LCOR: variants seen among roughly 807,000 people sequenced by gnomAD.
LCOR encodes the protein ligand dependent nuclear receptor corepressor.
Under a neutral mutation model 64.4 loss-of-function variants are expected in LCOR, and 14 were observed. That is an observed-to-expected ratio of 0.22 (90% confidence interval 0.14 to 0.34). The LOEUF (loss-of-function observed/expected upper bound fraction) is 0.34. Ranked by LOEUF, LCOR falls within the 10% of genes least tolerant of loss-of-function variation. The pLI is 1.00. For missense variants in LCOR, 1,686 were observed against 1,765.3 expected (o/e 0.96, Z 0.80); for synonymous variants, 643 against 642.5 (o/e 1.00, Z -0.01).
intron 2 of LCOR, among the ~76,000 whole-genome samples, chr10:96,866,094 CTATT>C (rs1386590143): frequency 7.2e-5 from 11 of 152,064 alleles, no homozygotes; most frequent in Non-Finnish European, 1.5e-4. Flanking sequence ...ATGTGGTGCT[CTATT>C]TATTAACAGT....
chr10:96,935,221 G>A (rs565348571), intron 4 of LCOR, among the ~76,000 whole-genome samples: 4 of 132,638 alleles, frequency 3.0e-5, no homozygotes, highest in Non-Finnish European at 4.7e-5. Flanking sequence ...TGATCTTGGC[G>A]CACTGCAACC....
chr10:96,878,943 C>T (rs544233244), intron 2 of LCOR, among the ~76,000 whole-genome samples: 1 of 152,124 alleles, frequency 6.6e-6, no homozygotes, highest in East Asian at 1.9e-4. Flanking sequence ...ACTACAGGCT[C>T]ACACCACCAC....
In LCOR at chr10:96,984,930, A is replaced by G; in HGVS notation, c.4470A>G (p.Thr1490=). Residue 1490 remains threonine (T), a synonymous_variant, in exon 8 of 8, where the codon ACA becomes ACG. Coordinates refer to ENST00000421806, the MANE Select transcript of LCOR (RefSeq NM_001346516.2). ...CTTCCCAGTCTATTGCCTCGGAAAC[A>G]CTGACGAAACCTGCAAAACAGAAGG... ...KRPSQSIASE[T]LTKPAKQKGA... 4 of 1,614,068 alleles carry G rather than the reference A, an allele frequency of 2.5e-6. No homozygotes were observed. The highest frequency in any genetic ancestry group is 3.4e-6 in the Non-Finnish European group (4 of 1,180,016).
rs538420595 is a variant in LCOR, at chr10:96,944,373, A to G, written c.-51+128A>G. The G allele has an allele frequency of 3.9e-5, 17 of 441,300 alleles. No individual in the cohort carries two copies. The East Asian group carries it at 1.6e-3, about 40-fold the overall frequency. The allele number at this position is 441,300 out of a possible 1,614,324, so 27.3% of individuals were successfully genotyped here. A position where few individuals can be genotyped will look rare whatever the true frequency, so the allele number is the denominator to read the frequency against. ...TTATTGATATAATTTATATTGTTCT[A>G]TATACCTTGGGTCAAGTTCAAATTG... On this transcript the variant is annotated intron_variant, in intron 5 of 7. Transcript: ENST00000421806.
At chr10:96,908,176 G>A (rs1472690646) in intron 4 of LCOR, 1 of 151,976 alleles carries the variant, frequency 6.6e-6, no homozygotes, top group Non-Finnish European at 1.5e-5. Context: ...ATTTGTAGTA[G>A]AGATAGGGTT....
At chr10:96,891,496 T>A (rs1381905024) in intron 2 of LCOR, among the ~76,000 whole-genome samples, 4 of 146,224 alleles carry the variant, frequency 2.7e-5, no homozygotes, top group Admixed American at 2.7e-4. Context: ...TTTTTTTTTT[T>A]TTTTTTGAGA....
At chr10:96,936,916 A>AT (rs1485242140) in intron 4 of LCOR, among the ~76,000 whole-genome samples, 3 of 152,248 alleles carry the variant, frequency 2.0e-5, no homozygotes, top group African/African-American at 7.2e-5. Context: ...TAATAATAAA[A>AT]TTGAACAATT....
At chr10:96,850,972 C>T (rs866322871) in intron 2 of LCOR, among the ~76,000 whole-genome samples, 5 of 152,350 alleles carry the variant, frequency 3.3e-5, no homozygotes, top group Non-Finnish European at 5.9e-5. Flanking sequence ...GACAGAATAA[C>T]TGTTCTGGAA....
rs1426039177 is a variant in LCOR at position 96,944,202 on chromosome 10, G to C, written c.-94G>C. The C allele has an allele frequency of 1.0e-6, 1 of 985,696 alleles. No individual in the cohort carries two copies. Among genetic ancestry groups the C allele is most frequent in the East Asian group, 1.1e-4 (1 of 8,808 alleles). 61.1% of individuals were successfully genotyped at this position (985,696 alleles called of 1,614,324 possible). ...AGCAAGCAAAAATCATTCGATTCGA[G>C]AGACAAGCAGAAGAATTCCTCAATG... On this transcript the variant is annotated 5_prime_UTR_variant, in exon 5 of 8. Coordinates refer to ENST00000421806, the MANE Select transcript of LCOR (RefSeq NM_001346516.2).
At chr10:96,958,740 GTC>G (rs968880772) in intron 7 of LCOR, 2 of 307,476 alleles carry the variant, frequency 6.5e-6, no homozygotes, top group African/African-American at 4.2e-5. Context: ...TCCTCCAAAG[GTC>G]TCTCTCTTTC....
chr10:96,984,482 A>C lies in LCOR; in HGVS notation c.4022A>C (p.Glu1341Ala). The C allele has an allele frequency of 6.2e-7, 1 of 1,614,222 alleles. No individual in the cohort carries two copies. Among genetic ancestry groups the C allele is most frequent in the African/African-American group, 1.3e-5 (1 of 75,066 alleles). The change falls in exon 8 of 8, where the codon GAA becomes GCA. Residue 1341 changes from glutamate to alanine, a missense_variant. Transcript: ENST00000421806. The stretch of plus-strand genomic sequence containing the variant: ...GAATGCCCAGATGCTCTGGCTGTGG[A>C]AAGTAAGCCAAGTCGTAAGAGCGTA... ...KMECPDALAV[E>A]SKPSRKSVCI...
At position 96,952,231 on chromosome 10, in the gene LCOR, A is replaced by G. The variant is rs1486631804; in HGVS notation, c.332+35A>G. On this transcript the variant is annotated intron_variant, in intron 7 of 7. Coordinates refer to ENST00000421806, the MANE Select transcript of LCOR (RefSeq NM_001346516.2). ...AATATTTGTAGCCTTACACAGTTTC[A>G]TATAGATAATTCATCAAAGGTTGAT... is the stretch of plus-strand genomic sequence containing the variant. 2.1e-6 allele frequency: 3 copies of G among 1,411,850 alleles called. No individual in the cohort carries two copies. In the Admixed American group the frequency reaches 5.3e-5, roughly 25 times the overall value. 87.5% of individuals were successfully genotyped at this position (1,411,850 alleles called of 1,614,324 possible).
At chr10:96,860,248 A>G (rs1845865653) in intron 2 of LCOR, among the ~76,000 whole-genome samples, 1 of 152,226 alleles carries the variant, frequency 6.6e-6, no homozygotes, top group Non-Finnish European at 1.5e-5. Context: ...TGTGAATTTT[A>G]GCTTATTTAT....
At position 96,993,747 on chromosome 10, in the gene LCOR, T is replaced by TTATA. The variant is rs1001774952; in HGVS notation, c.*8623_*8626dup. On this transcript the variant is annotated 3_prime_UTR_variant, in exon 8 of 8. Coordinates refer to ENST00000421806, the MANE Select transcript of LCOR (RefSeq NM_001346516.2). ...CCTCTTCTCATCTGGTTATGTTATA[T>TTATA]TATATATATATATTATATATATATA... 1.4e-5 allele frequency: 2 copies of TTATA among 146,660 alleles called. No individual in the cohort carries two copies. Among genetic ancestry groups the TTATA allele is most frequent in the South Asian group, 2.1e-4 (1 of 4,768 alleles). 9.1% of individuals were successfully genotyped at this position (146,660 alleles called of 1,614,324 possible).
chr10:96,957,853 G>A (rs1847810557), intron 7 of LCOR: 1 of 985,952 alleles, frequency 1.0e-6, no homozygotes, highest in Non-Finnish European at 1.2e-6. Context: ...TTTAATCAGT[G>A]GATAACTGAG....
intron 2 of LCOR, among the ~76,000 whole-genome samples, chr10:96,861,305 ATG>A (rs1845883105): frequency 1.3e-5 from 2 of 152,210 alleles, no homozygotes; most frequent in South Asian, 4.1e-4. Context: ...AGTAAAGAAA[ATG>A]TCATAAGTTC....
At chr10:96,833,055 G>C in intron 1 of LCOR, 1 of 986,426 alleles carries the variant, frequency 1.0e-6, no homozygotes, top group Non-Finnish European at 1.2e-6. Flanking sequence ...GCCGCGGGGG[G>C]CAGCGGCTGC....
chr10:96,889,791 C>T (rs1278799888), intron 2 of LCOR, among the ~76,000 whole-genome samples: 1 of 152,120 alleles, frequency 6.6e-6, no homozygotes, highest in African/African-American at 2.4e-5. Context: ...TTTATCCACT[C>T]TTTAGTTGGT....
intron 2 of LCOR, among the ~76,000 whole-genome samples, chr10:96,841,379 T>TC (rs1845537878): frequency 6.6e-6 from 1 of 151,692 alleles, no homozygotes; most frequent in Admixed American, 6.6e-5. Flanking sequence ...TTTTTTTTTT[T>TC]TGAGACAGTC....
Sources: gnomAD v4.1 joint callset for allele counts (sites outside exome capture counted in the v4.1 genomes callset) on GRCh38, gnomAD v4.1.1 for gene constraint, MANE v1.5 for transcripts, NCBI Gene and HGNC (gene_info 2026-07-23, HGNC 2026-07-21) for gene names.